The following FHIT variants were observed in gnomAD, a reference collection of about 807,000 sequenced individuals.
FHIT encodes bis(5'-adenosyl)-triphosphatase.
In FHIT, 19 loss-of-function variants were observed where a neutral mutation model predicts 17.9. That is an observed-to-expected ratio of 1.06 (90% CI 0.74 to 1.56). FHIT has a LOEUF of 1.56. Among genes scored for constraint, FHIT ranks in the 40% most tolerant of loss-of-function variants. The pLI is 0.00. For missense variants in FHIT, 248 were observed against 189.2 expected (o/e 1.31, Z -1.82); for synonymous variants, 81 against 69.7 (o/e 1.16, Z -0.81).
Position 60,029,897 on chromosome 3 carries a change from C to CTGTGTGTGTGTGTG in FHIT, c.104-15759_104-15746dup, listed in dbSNP as rs71089569. Reference sequence around the variant, plus strand: ...AGAAGCATTGTGTGTGTGTGTGTGTCTGTGTGTGTGTGTGTGTGTGTGTGT... The same window carrying CTGTGTGTGTGTGTG: ...AGAAGCATTGTGTGTGTGTGTGTGTCTGTGTGTGTGTGTGTGTGTGTGTGTGTGTGTGTGTGTGT... On this transcript the variant is annotated intron_variant, in intron 5 of 9. Transcript: ENST00000492590. Among the ~76,000 whole-genome samples, 123 of 127,906 alleles carry CTGTGTGTGTGTGTG rather than the reference C, an allele frequency of 9.6e-4. 2 individuals are homozygous for CTGTGTGTGTGTGTG. Among genetic ancestry groups the CTGTGTGTGTGTGTG allele is most frequent in the South Asian group, 8.6e-3 (32 of 3,708 alleles). The allele number at this position is 127,906 out of a possible 152,430, so 83.9% of individuals were successfully genotyped here. A position where few individuals can be genotyped will look rare whatever the true frequency, so the allele number is the denominator to read the frequency against.
intron 5 of FHIT, among the ~76,000 whole-genome samples, chr3:60,103,553 G>C (rs781442971): frequency 1.3e-5 from 2 of 152,158 alleles, no homozygotes; most frequent in African/African-American, 2.4e-5. Flanking sequence ...TGTAAAACAA[G>C]TAGAAGGTAA....
At chr3:60,815,385 T>C (rs1418563456) in intron 4 of FHIT, among the ~76,000 whole-genome samples, 2 of 152,174 alleles carry the variant, frequency 1.3e-5, no homozygotes, top group Non-Finnish European at 2.9e-5. Context: ...TACATTTAAA[T>C]CTTTACTCCA....
At chr3:59,876,326 A>T (rs961433800) in intron 8 of FHIT, among the ~76,000 whole-genome samples, 2 of 152,232 alleles carry the variant, frequency 1.3e-5, no homozygotes, top group Non-Finnish European at 2.9e-5. Flanking sequence ...ATGTGGCTTA[A>T]AATCTTCTAG....
chr3:61,036,905 T>TG (rs71100938), intron 3 of FHIT, among the ~76,000 whole-genome samples: 45,442 of 112,838 alleles, frequency 0.4, 9,163 homozygotes, highest in Non-Finnish European at 0.54. Context: ...TGCTTTGTTT[T>TG]TTTTTTTTGT....
At chr3:59,914,325 C>T (rs781395896) in intron 8 of FHIT, among the ~76,000 whole-genome samples, 5 of 152,008 alleles carry the variant, frequency 3.3e-5, no homozygotes, top group South Asian at 2.1e-4. Flanking sequence ...GACGTCACCC[C>T]GCAGTGACAA....
intron 1 of FHIT, among the ~76,000 whole-genome samples, chr3:61,233,613 A>G (rs925878843): frequency 2.6e-5 from 4 of 152,184 alleles, no homozygotes; most frequent in African/African-American, 9.7e-5. Flanking sequence ...AAGGATAGAC[A>G]CCAATATGAG....
intron 2 of FHIT, among the ~76,000 whole-genome samples, chr3:61,053,150 G>T (rs1221151531): frequency 6.6e-6 from 1 of 152,126 alleles, no homozygotes; most frequent in Admixed American, 6.5e-5. Context: ...AATCCACCCT[G>T]AAAAGTGAGT....
rs370628793 is a variant in FHIT, at chr3:59,999,356, G to C, written c.279+12015C>G. ...CATCGTTAAAGTTAATGGAATTACC[G>C]TGTGGTCACGCACTAGAGGGAACCT... On this transcript the variant is annotated intron_variant, in intron 7 of 9. Transcript: ENST00000492590. Among the ~76,000 whole-genome samples, 269 of 152,216 alleles carry C rather than the reference G, an allele frequency of 1.8e-3. 3 individuals carry two copies. Among genetic ancestry groups the C allele is most frequent in the South Asian group, 0.017 (80 of 4,824 alleles).
intron 5 of FHIT, among the ~76,000 whole-genome samples, chr3:60,515,738 C>T (rs186990687): frequency 6.6e-6 from 1 of 152,244 alleles, no homozygotes; most frequent in Non-Finnish European, 1.5e-5. Flanking sequence ...AGAGTTTAAG[C>T]ATTTTGCATA....
intron 5 of FHIT, among the ~76,000 whole-genome samples, chr3:60,493,866 T>C (rs767228193): frequency 1.1e-4 from 16 of 152,148 alleles, no homozygotes; most frequent in Non-Finnish European, 1.9e-4. Flanking sequence ...GAACATAAAA[T>C]TCAGGTTCCT....
chr3:59,906,125 C>T (rs910993867), intron 8 of FHIT, among the ~76,000 whole-genome samples: 1 of 152,196 alleles, frequency 6.6e-6, no homozygotes, highest in Non-Finnish European at 1.5e-5. Flanking sequence ...TCTGGCATTG[C>T]GTGTCTCTGG....
intron 4 of FHIT, among the ~76,000 whole-genome samples, chr3:60,560,595 G>C (rs1369431710): frequency 6.6e-6 from 1 of 152,066 alleles, no homozygotes; most frequent in Non-Finnish European, 1.5e-5. Context: ...CTTTCTGTTT[G>C]AGGTTGAAAA....
At chr3:60,624,314 G>A (rs997983681) in intron 4 of FHIT, among the ~76,000 whole-genome samples, 1 of 152,200 alleles carries the variant, frequency 6.6e-6, no homozygotes, top group African/African-American at 2.4e-5. Flanking sequence ...GCTTCAACTT[G>A]ACAATGATGA....
At chr3:60,003,732 G>A (rs149520310) in intron 7 of FHIT, among the ~76,000 whole-genome samples, 241 of 152,116 alleles carry the variant, frequency 1.6e-3, no homozygotes, top group African/African-American at 5.8e-3. Flanking sequence ...GCAACAAAGC[G>A]AGACTCTGTC....
chr3:60,880,938 TA>T (rs1553757843), intron 3 of FHIT, among the ~76,000 whole-genome samples: 1 of 152,196 alleles, frequency 6.6e-6, no homozygotes, highest in Non-Finnish European at 1.5e-5. Flanking sequence ...TTATCAATAA[TA>T]ACCTTGAATG....
rs146588172 is a variant in FHIT, at chr3:61,222,979, T to G, written c.-212-22314A>C. ...TACAGTGACATACCAAAATTTGCTA[T>G]TTTTCTAAGAGGACATTGACAGATA... On this transcript the variant is annotated intron_variant, in intron 1 of 9. Coordinates refer to ENST00000492590, the MANE Select transcript of FHIT (RefSeq NM_002012.4). Among the ~76,000 whole-genome samples, 452 of 152,324 alleles carry G rather than the reference T, an allele frequency of 3.0e-3. 3 individuals carry two copies. The highest frequency in any genetic ancestry group is 8.5e-3 in the African/African-American group (355 of 41,568).
chr3:60,498,470 A>G (rs17817118), intron 5 of FHIT, among the ~76,000 whole-genome samples: 12,895 of 152,258 alleles, frequency 0.085, 641 homozygotes, highest in East Asian at 0.1. Context: ...TGTATCTTCA[A>G]CTAAGGGTTG....
chr3:59,853,685 G>A (rs1702032398), intron 8 of FHIT, among the ~76,000 whole-genome samples: 1 of 151,820 alleles, frequency 6.6e-6, no homozygotes, highest in Non-Finnish European at 1.5e-5. Context: ...TTCTATTGTG[G>A]GTGTGCATGT....
chr3:59,962,973 T>C (rs1707754613), intron 7 of FHIT, among the ~76,000 whole-genome samples: 1 of 152,162 alleles, frequency 6.6e-6, no homozygotes, highest in Admixed American at 6.5e-5. Flanking sequence ...CAAAATGTAT[T>C]GGCCAGGTGC....
Sources: gnomAD v4.1 joint callset for allele counts (sites outside exome capture counted in the v4.1 genomes callset) on GRCh38, gnomAD v4.1.1 for gene constraint, MANE v1.5 for transcripts, NCBI Gene and HGNC (gene_info 2026-07-23, HGNC 2026-07-21) for gene names.